SLC25A30: variants seen among roughly 807,000 people sequenced by gnomAD.
SLC25A30 encodes kidney mitochondrial carrier protein 1.
Under a neutral mutation model 42.7 loss-of-function variants are expected in SLC25A30, and 29 were observed. That is an observed-to-expected ratio of 0.68 (90% CI 0.51 to 0.93). The LOEUF is 0.93. Ranked by LOEUF, SLC25A30 falls within the 40% of genes least tolerant of loss-of-function variation. The pLI is 0.00. For missense variants in SLC25A30, 300 were observed against 359.7 expected (o/e 0.83, Z 1.34); for synonymous variants, 124 against 131.0 (o/e 0.95, Z 0.37).
At chr13:45,406,088 A>AC in intron 3 of SLC25A30, 111 bp from the exon 4 acceptor site, 2 of 724,746 alleles carry the variant, frequency 2.8e-6, no homozygotes, top group Non-Finnish European at 4.3e-6. Context: ...CTCTAAAACA[A>AC]TTTTTTTTTT....
intron 2 of SLC25A30, among the ~76,000 whole-genome samples, chr13:45,409,327 T>C (rs1018267256): frequency 1.3e-5 from 2 of 152,178 alleles, no homozygotes; most frequent in African/African-American, 4.8e-5. Flanking sequence ...TACACAGGAT[T>C]TGGGTAGGCT....
the SLC25A30 span, among the ~76,000 whole-genome samples, chr13:45,425,276 A>G: frequency 9.5e-6 from 1 of 104,804 alleles, no homozygotes; most frequent in Non-Finnish European, 1.7e-5. Flanking sequence ...ACGTATACAT[A>G]TAAATATATG....
At chr13:45,398,040 T>C (rs1881540298) in intron 8 of SLC25A30, 2 of 985,210 alleles carry the variant, frequency 2.0e-6, no homozygotes, top group Admixed American at 1.2e-4. Flanking sequence ...ATACGATAAG[T>C]GTCTTTGCTT....
intron 1 of SLC25A30, among the ~76,000 whole-genome samples, chr13:45,417,695 G>A (rs1883652631): frequency 6.6e-6 from 1 of 152,080 alleles, no homozygotes; most frequent in African/African-American, 2.4e-5. Flanking sequence ...GAATCCGCAG[G>A]GCAGTGCCAA....
At chr13:45,425,411 A>T in the SLC25A30 span, among the ~76,000 whole-genome samples, 1 of 113,058 alleles carries the variant, frequency 8.8e-6, no homozygotes, top group African/African-American at 3.5e-5. Flanking sequence ...TATATATATA[A>T]ATATATAAGT....
the SLC25A30 span, among the ~76,000 whole-genome samples, chr13:45,424,391 ATATAT>A: frequency 1.4e-5 from 1 of 72,344 alleles, no homozygotes; most frequent in African/African-American, 5.8e-5. Flanking sequence ...AGATATATAA[ATATAT>A]AAATATATAA....
intron 5 of SLC25A30, among the ~76,000 whole-genome samples, chr13:45,403,270 CCAGAATACTG>C (rs1331330196): frequency 1.3e-5 from 2 of 152,088 alleles, no homozygotes; most frequent in Non-Finnish European, 2.9e-5. Flanking sequence ...TGTAGTGTAC[CCAGAATACTG>C]CAGATGGCTG....
At chr13:45,424,021 A>G in the SLC25A30 span, among the ~76,000 whole-genome samples, 1 of 70,228 alleles carries the variant, frequency 1.4e-5, no homozygotes, top group Non-Finnish European at 2.7e-5. Context: ...ATAAATCTGT[A>G]AAAATATATA....
intron 3 of SLC25A30, among the ~76,000 whole-genome samples, chr13:45,408,696 G>T (rs570008170): frequency 6.6e-6 from 1 of 152,272 alleles, no homozygotes; most frequent in East Asian, 1.9e-4. Context: ...ATTTTTTATT[G>T]TTGTCTGTCT....
the SLC25A30 span, among the ~76,000 whole-genome samples, chr13:45,432,208 T>A: frequency 5.3e-5 from 8 of 150,596 alleles, no homozygotes; most frequent in African/African-American, 2.0e-4. Context: ...AGGTGAAGAT[T>A]GCAGTGAGCC....
chr13:45,408,094 A>C (rs966471827), intron 3 of SLC25A30, among the ~76,000 whole-genome samples: 10 of 152,172 alleles, frequency 6.6e-5, no homozygotes, highest in African/African-American at 2.2e-4. Flanking sequence ...TCTGTCTGCC[A>C]TAGATATAGC....
the SLC25A30 span, among the ~76,000 whole-genome samples, chr13:45,423,880 A>T: frequency 1.4e-5 from 1 of 69,554 alleles, no homozygotes; most frequent in African/African-American, 5.4e-5. Context: ...AAAATATATA[A>T]AAATATATAT....
Position 45,404,426 on chromosome 13 carries a change from C to T in SLC25A30, c.308-14G>A, listed in dbSNP as rs570514291. On this transcript the variant is annotated splice_polypyrimidine_tract_variant and intron_variant, in intron 4 of 9. Transcript: ENST00000519676. Reference sequence around the variant, plus strand: ...GTAGAGTTTCATCTGTAAACAATGACACATTATTTGACTCTACATATTTAG... The same window carrying T: ...GTAGAGTTTCATCTGTAAACAATGATACATTATTTGACTCTACATATTTAG... The T allele has an allele frequency of 1.1e-4, 168 of 1,574,594 alleles. 4 individuals are homozygous for T. In the South Asian group the frequency reaches 1.6e-3, roughly 15 times the overall value.
At chr13:45,423,624 A>ATATAAATATATATAAAATACATATT in the SLC25A30 span, among the ~76,000 whole-genome samples, 2 of 75,370 alleles carry the variant, frequency 2.7e-5, no homozygotes, top group Non-Finnish European at 4.8e-5. Context: ...TAAAATATAT[A>ATATAAATATATATAAAATACATATT]TATATAAATA....
In SLC25A30 at chr13:45,395,856, T is replaced by G. The variant is rs1593593212; in HGVS notation, c.*118A>C. Reference sequence around the variant, plus strand: ...CTCAACTAACCCAGTCTTCATCTGTTGCTCACATCCCAGAATCTGTGATGA... The same window carrying G: ...CTCAACTAACCCAGTCTTCATCTGTGGCTCACATCCCAGAATCTGTGATGA... On this transcript the variant is annotated 3_prime_UTR_variant, in exon 10 of 10. Coordinates refer to ENST00000519676, the MANE Select transcript of SLC25A30 (RefSeq NM_001010875.4). The G allele has an allele frequency of 1.2e-6, 2 of 1,600,926 alleles. No homozygotes were observed. Among genetic ancestry groups the G allele is most frequent in the East Asian group, 2.2e-5 (1 of 44,694 alleles).
the SLC25A30 span, among the ~76,000 whole-genome samples, chr13:45,424,755 T>TACAA: frequency 1.7e-5 from 1 of 58,552 alleles, no homozygotes; most frequent in African/African-American, 7.0e-5. Flanking sequence ...TATCTATTTA[T>TACAA]ATAAATATAT....
intron 1 of SLC25A30, among the ~76,000 whole-genome samples, chr13:45,415,905 T>G (rs1195617031): frequency 6.8e-5 from 10 of 147,318 alleles, no homozygotes; most frequent in Non-Finnish European, 1.2e-4. Context: ...GTTCAAGCAA[T>G]TCTCCTGCCT....
At chr13:45,397,959 C>A in intron 8 of SLC25A30, 1 of 985,402 alleles carries the variant, frequency 1.0e-6, no homozygotes, top group Non-Finnish European at 1.2e-6. Context: ...GAACAGGTCA[C>A]AAATAAAGAA....
chr13:45,410,842 G>T (rs1400551340), intron 2 of SLC25A30, among the ~76,000 whole-genome samples: 2 of 152,130 alleles, frequency 1.3e-5, no homozygotes, highest in East Asian at 3.9e-4. Flanking sequence ...ACTTGTGTTT[G>T]GTCAATAGGA....
Sources: gnomAD v4.1 joint callset for allele counts (sites outside exome capture counted in the v4.1 genomes callset) on GRCh38, gnomAD v4.1.1 for gene constraint, MANE v1.5 for transcripts, NCBI Gene and HGNC (gene_info 2026-07-23, HGNC 2026-07-21) for gene names.